GALNT13: variants seen among roughly 807,000 people sequenced by gnomAD.
The protein encoded by GALNT13 is UDP-GalNAc:polypeptide N-acetylgalactosaminyltransferase 13.
In GALNT13, 28 loss-of-function variants were observed where a neutral mutation model predicts 64.2. The ratio of observed to expected loss-of-function variants is 0.44; its 90% confidence interval spans 0.32 to 0.60. The LOEUF is 0.60. GALNT13 is among the 20% of genes least tolerant of loss of function. GALNT13 has a pLI of 0.05. For missense variants in GALNT13, 577 were observed against 669.8 expected (o/e 0.86, Z 1.53); for synonymous variants, 214 against 224.6 (o/e 0.95, Z 0.42).
rs539136742 is a variant in GALNT13, at chr2:154,427,177, A to C, written c.1396-11415A>C. 2.0e-5 allele frequency among the ~76,000 whole-genome samples: 3 copies of C among 152,302 alleles called. No individual in the cohort carries two copies. In the East Asian group the frequency reaches 5.8e-4, roughly 29 times the overall value. On this transcript the variant is annotated intron_variant, in intron 11 of 12. Transcript: ENST00000392825. The stretch of plus-strand genomic sequence containing the variant: ...ATAGCCTATGAAAGAGGAGCCATAT[A>C]TTTATCCTTTTTCTCAGATGAGGAA...
rs148324071 is a variant in GALNT13, at chr2:153,912,681, G to C, written c.-105+11674G>C. ...TTCTGCAAGATTTTAGGGAGTCAAGGCTTAGCTCAGGACTCCCGGACTGTG... is the reference window on the plus strand; with the variant it reads ...TTCTGCAAGATTTTAGGGAGTCAAGCCTTAGCTCAGGACTCCCGGACTGTG... On this transcript the variant is annotated intron_variant, in intron 2 of 12. Transcript: ENST00000392825. Among the ~76,000 whole-genome samples the C allele has an allele frequency of 4.1e-3, 619 of 152,216 alleles. 3 individuals are homozygous for C. The highest frequency in any genetic ancestry group is 0.014 in the African/African-American group (592 of 41,522).
chr2:153,910,103 A>G (rs1688841083), intron 2 of GALNT13, among the ~76,000 whole-genome samples: 1 of 149,934 alleles, frequency 6.7e-6, no homozygotes, highest in African/African-American at 2.5e-5. Flanking sequence ...TTTATTACTG[A>G]TTCAATTTCA....
chr2:154,196,617 A>G (rs1186730180), intron 4 of GALNT13, among the ~76,000 whole-genome samples: 1 of 152,218 alleles, frequency 6.6e-6, no homozygotes, highest in South Asian at 2.1e-4. Context: ...ATTAATATGT[A>G]TTTGAAAGCG....
the GALNT13 span, among the ~76,000 whole-genome samples, chr2:153,499,466 G>A: frequency 1.3e-5 from 2 of 152,138 alleles, no homozygotes; most frequent in African/African-American, 4.8e-5. Flanking sequence ...CATGCTTCAG[G>A]CCGTCACTGG....
At chr2:153,458,405 C>T in the GALNT13 span, among the ~76,000 whole-genome samples, 2 of 152,132 alleles carry the variant, frequency 1.3e-5, no homozygotes, top group Admixed American at 1.3e-4. Context: ...GTTCCCCCTG[C>T]CATTGGGTCT....
At chr2:154,044,072 AAAAAAAT>A (rs145128778) in intron 3 of GALNT13, among the ~76,000 whole-genome samples, 33,569 of 151,432 alleles carry the variant, frequency 0.22, 4,716 homozygotes, top group Middle Eastern at 0.38. Context: ...ACTCTGTCTC[AAAAAAAT>A]AAAAAATAAA....
the GALNT13 span, among the ~76,000 whole-genome samples, chr2:153,509,362 C>A: frequency 6.6e-6 from 1 of 152,340 alleles, no homozygotes; most frequent in East Asian, 1.9e-4. Flanking sequence ...CCACGGAGTG[C>A]GCAGACCTGG....
the GALNT13 span, among the ~76,000 whole-genome samples, chr2:153,207,755 A>G: frequency 6.6e-6 from 1 of 152,174 alleles, no homozygotes; most frequent in Non-Finnish European, 1.5e-5. Context: ...ATTAGTTATT[A>G]TTCTTATTGA....
At position 154,452,119 on chromosome 2, in the gene GALNT13, G is replaced by A. The variant is rs917033649; in HGVS notation, c.*1568G>A. On this transcript the variant is annotated 3_prime_UTR_variant, in exon 13 of 13. Coordinates refer to ENST00000392825, the MANE Select transcript of GALNT13 (RefSeq NM_052917.4). Reference sequence around the variant, plus strand: ...TGACTTTTTATTGGTACAACTGTAGGGAAGAATCTACAACCTGGAGCATTT... The same window carrying A: ...TGACTTTTTATTGGTACAACTGTAGAGAAGAATCTACAACCTGGAGCATTT... 3 of 152,024 alleles carry A rather than the reference G, an allele frequency of 2.0e-5. No individual in the cohort carries two copies. Among genetic ancestry groups the A allele is most frequent in the Non-Finnish European group, 4.4e-5 (3 of 68,008 alleles). The allele number at this position is 152,024 out of a possible 1,614,324, so 9.4% of individuals were successfully genotyped here. A position where few individuals can be genotyped will look rare whatever the true frequency, so the allele number is the denominator to read the frequency against.
Position 154,450,731 on chromosome 2 carries a change from C to G in GALNT13, c.*180C>G. On this transcript the variant is annotated 3_prime_UTR_variant, in exon 13 of 13. Coordinates refer to ENST00000392825, the MANE Select transcript of GALNT13 (RefSeq NM_052917.4). ...CTTATTTCCCTACTAAAATTTGTAT[C>G]TGATCAAAGCACATAAGAATATAAA... is the stretch of plus-strand genomic sequence containing the variant. 1.8e-6 allele frequency: 1 copy of G among 546,160 alleles called. No individual in the cohort carries two copies. The highest frequency in any genetic ancestry group is 3.1e-6 in the Non-Finnish European group (1 of 318,324). The allele number at this position is 546,160 out of a possible 1,614,324, so 33.8% of individuals were successfully genotyped here.
At chr2:154,443,999 T>C (rs1385588742) in intron 12 of GALNT13, among the ~76,000 whole-genome samples, 1 of 152,076 alleles carries the variant, frequency 6.6e-6, no homozygotes. Context: ...GAAAATATAT[T>C]TGGCAGTAAG....
the GALNT13 span, among the ~76,000 whole-genome samples, chr2:153,438,872 T>C: frequency 2.7e-3 from 414 of 152,334 alleles, 19 homozygotes; most frequent in East Asian, 0.074. Flanking sequence ...AGGAGCTGTG[T>C]TCCTTTGGAG....
rs1446212604 is a variant in GALNT13, at chr2:154,453,927, C to A, written c.*3376C>A. On this transcript the variant is annotated 3_prime_UTR_variant, in exon 13 of 13. Coordinates refer to ENST00000392825, the MANE Select transcript of GALNT13 (RefSeq NM_052917.4). ...GACTCTAATTTTCTGGATAAAATAT[C>A]CTGCCTTATGGAAATGAAATATGAA... 6.6e-6 allele frequency: 1 copy of A among 152,048 alleles called. No individual in the cohort carries two copies. The highest frequency in any genetic ancestry group is 1.9e-4 in the East Asian group (1 of 5,188). 9.4% of individuals were successfully genotyped at this position (152,048 alleles called of 1,614,324 possible).
chr2:153,898,181 C>T (rs576570270), intron 1 of GALNT13, among the ~76,000 whole-genome samples: 1 of 152,174 alleles, frequency 6.6e-6, no homozygotes, highest in East Asian at 1.9e-4. Flanking sequence ...TTTCTGTTTA[C>T]ATACAATCTG....
intron 9 of GALNT13, among the ~76,000 whole-genome samples, chr2:154,371,202 A>G (rs954152079): frequency 1.1e-4 from 16 of 152,126 alleles, no homozygotes; most frequent in African/African-American, 2.9e-4. Context: ...GAAATGGAAA[A>G]TGACAACATA....
chr2:154,367,880 A>G (rs1196078390), intron 9 of GALNT13, among the ~76,000 whole-genome samples: 1 of 152,232 alleles, frequency 6.6e-6, no homozygotes, highest in Non-Finnish European at 1.5e-5. Context: ...GAAAACATTT[A>G]TCATGGGAAA....
chr2:154,350,032 A>G (rs1382778256), intron 9 of GALNT13, among the ~76,000 whole-genome samples: 1 of 152,256 alleles, frequency 6.6e-6, no homozygotes, highest in Admixed American at 6.5e-5. Context: ...ATTCAAGGAC[A>G]AAAGAAAAAA....
the GALNT13 span, among the ~76,000 whole-genome samples, chr2:153,850,838 G>A: frequency 2.6e-5 from 4 of 152,108 alleles, no homozygotes; most frequent in East Asian, 1.9e-4. Flanking sequence ...GAAAGTAGAA[G>A]TAATGATACA....
chr2:153,844,797 G>T, the GALNT13 span, among the ~76,000 whole-genome samples: 1 of 152,146 alleles, frequency 6.6e-6, no homozygotes, highest in African/African-American at 2.4e-5. Context: ...TGAATGCTTT[G>T]CTGCTTAGAT....
Sources: allele counts gnomAD v4.1 joint callset (sites outside exome capture counted in the v4.1 genomes callset), GRCh38; gene constraint gnomAD v4.1.1; transcripts MANE v1.5; gene names NCBI Gene and HGNC (gene_info 2026-07-23, HGNC 2026-07-21).